POGLUT1: variants seen among roughly 807,000 people sequenced by gnomAD.
POGLUT1 encodes the protein protein O-glucosyltransferase 1, also known as 9630046K23Rik.
In POGLUT1, 32 loss-of-function variants were observed where a neutral mutation model predicts 61.3. The observed-to-expected ratio is 0.52, with a 90% CI of 0.39 to 0.70. POGLUT1 has a LOEUF of 0.70. Ranked by LOEUF, POGLUT1 falls within the 30% of genes least tolerant of loss-of-function variation. The pLI, the probability that POGLUT1 is intolerant of heterozygous loss-of-function variation, is 0.00. For missense variants in POGLUT1, 411 were observed against 469.8 expected, an observed-to-expected ratio of 0.87 and a Z score of 1.16; for synonymous variants, 158 against 158.2, an observed-to-expected ratio of 1.00 and a Z score of 0.01.
chr3:119,477,048 C>G (rs755865444), intron 3 of POGLUT1, among the ~76,000 whole-genome samples: 1 of 152,196 alleles, frequency 6.6e-6, no homozygotes, highest in Non-Finnish European at 1.5e-5. Flanking sequence ...AGCAATAATA[C>G]TCCCTTCAAA....
chr3:119,484,431 G>A (rs1375105250), intron 5 of POGLUT1, among the ~76,000 whole-genome samples: 1 of 152,178 alleles, frequency 6.6e-6, no homozygotes, highest in Non-Finnish European at 1.5e-5. Context: ...TAAGAATGAT[G>A]CATCTGTGAG....
In POGLUT1 at chr3:119,470,895, G is replaced by C. The variant is rs530738492; in HGVS notation, c.177-414G>C. ...TCACGCTACCAGAGTAAGGGCTTGTGGGGGAGAGTGTGGACCAGACAGACC... is the reference window on the plus strand; with the variant it reads ...TCACGCTACCAGAGTAAGGGCTTGTCGGGGAGAGTGTGGACCAGACAGACC... On this transcript the variant is annotated intron_variant, in intron 2 of 10. Coordinates refer to ENST00000295588, the MANE Select transcript of POGLUT1 (RefSeq NM_152305.3). Among the ~76,000 whole-genome samples the C allele has an allele frequency of 5.3e-5, 8 of 152,362 alleles. No homozygotes were observed. In the South Asian group the frequency reaches 1.4e-3, roughly 28 times the overall value.
At chr3:119,475,766 T>TG (rs2081527622) in intron 3 of POGLUT1, among the ~76,000 whole-genome samples, 2 of 150,104 alleles carry the variant, frequency 1.3e-5, no homozygotes, top group African/African-American at 4.9e-5. Context: ...CAGCTGAGAT[T>TG]GCGCCATTGC....
intron 5 of POGLUT1, among the ~76,000 whole-genome samples, chr3:119,481,813 A>G (rs1417328542): frequency 1.3e-5 from 2 of 152,110 alleles, no homozygotes; most frequent in East Asian, 1.9e-4. Flanking sequence ...AACCTACTTT[A>G]CTGGTTAATA....
chr3:119,488,778 TTATA>T, intron 7 of POGLUT1, 147 bp from the exon 8 acceptor site: 1 of 423,120 alleles, frequency 2.4e-6, no homozygotes, highest in South Asian at 6.0e-5. Flanking sequence ...GCTTCTGCAT[TTATA>T]TAATGGGAAT....
chr3:119,485,509 G>T (rs2081654800), intron 6 of POGLUT1, 122 bp downstream of exon 6: 1 of 594,158 alleles, frequency 1.7e-6, no homozygotes, highest in African/African-American at 1.9e-5. Flanking sequence ...AGAAAGAAAT[G>T]TGGAATCACA....
At chr3:119,472,853 A>G (rs942727743) in intron 3 of POGLUT1, among the ~76,000 whole-genome samples, 11 of 152,346 alleles carry the variant, frequency 7.2e-5, no homozygotes, top group African/African-American at 2.6e-4. Flanking sequence ...CCACATGGCA[A>G]AACCTCATCT....
rs2081787844 is a variant in POGLUT1 at position 119,494,180 on chromosome 3, G to T, written c.*1742G>T. The T allele has an allele frequency of 6.6e-6, 1 of 152,164 alleles. No individual in the cohort carries two copies. The highest frequency in any genetic ancestry group is 6.5e-5 in the Admixed American group (1 of 15,278). The allele number at this position is 152,164 out of a possible 1,614,324, so 9.4% of individuals were successfully genotyped here. A position where few individuals can be genotyped will look rare whatever the true frequency, so the allele number is the denominator to read the frequency against. On this transcript the variant is annotated 3_prime_UTR_variant, in exon 11 of 11. Coordinates refer to ENST00000295588, the MANE Select transcript of POGLUT1 (RefSeq NM_152305.3). The stretch of plus-strand genomic sequence containing the variant: ...TTATATGACATCACTGTAGTTGCTT[G>T]ACTGTTTCTCCTACTGTTCTGTAAA...
chr3:119,470,298 G>C (rs965525445), intron 2 of POGLUT1, among the ~76,000 whole-genome samples: 2 of 152,170 alleles, frequency 1.3e-5, no homozygotes, highest in African/African-American at 4.8e-5. Context: ...ACATCAGGCT[G>C]GGCATGGTGG....
chr3:119,478,668 G>A (rs1036678450), intron 4 of POGLUT1, among the ~76,000 whole-genome samples: 3 of 152,104 alleles, frequency 2.0e-5, no homozygotes, highest in Admixed American at 6.6e-5. Context: ...TTGAATAGCT[G>A]TTATGTTTAA....
intron 3 of POGLUT1, among the ~76,000 whole-genome samples, chr3:119,475,575 G>A (rs1445437071): frequency 6.6e-6 from 1 of 152,164 alleles, no homozygotes; most frequent in African/African-American, 2.4e-5. Context: ...CACTTTGGAT[G>A]GCTGAGACAG....
At chr3:119,481,061 C>T (rs2081600950) in intron 5 of POGLUT1, among the ~76,000 whole-genome samples, 1 of 152,056 alleles carries the variant, frequency 6.6e-6, no homozygotes, top group Non-Finnish European at 1.5e-5. Context: ...TTTTTCTATA[C>T]TTAAGATTCT....
intron 9 of POGLUT1, 32 bp downstream of exon 9, chr3:119,490,750 A>G: frequency 1.3e-6 from 2 of 1,590,760 alleles, no homozygotes; most frequent in East Asian, 4.5e-5. Context: ...CAGAGTTTCT[A>G]AAGACCCTTC....
At chr3:119,483,663 G>A (rs2081632182) in intron 5 of POGLUT1, among the ~76,000 whole-genome samples, 1 of 152,220 alleles carries the variant, frequency 6.6e-6, no homozygotes, top group African/African-American at 2.4e-5. Flanking sequence ...GTTACATAGA[G>A]CAAAGTTTCT....
Position 119,485,477 on chromosome 3 carries a change from A to T in POGLUT1, c.638+90A>T, listed in dbSNP as rs537251099. 2.2e-5 allele frequency: 16 copies of T among 742,448 alleles called. No homozygotes were observed. In the South Asian group the frequency reaches 2.8e-4, roughly 13 times the overall value. The allele number at this position is 742,448 out of a possible 1,614,324, so 46.0% of individuals were successfully genotyped here. ...GAGGGTATGACAAGCTCTGTAGTTC[A>T]AAGGGAAAGCTAAGATAACAAAGAA... On this transcript the variant is annotated intron_variant, in intron 6 of 10. Transcript: ENST00000295588.
chr3:119,491,660 A>C (rs748005311), intron 10 of POGLUT1, 86 bp downstream of exon 10: 9 of 659,134 alleles, frequency 1.4e-5, no homozygotes, highest in Non-Finnish European at 2.2e-5. Flanking sequence ...TATTGTTATC[A>C]TGGTGACATC....
rs543307815 is a variant in POGLUT1 at position 119,479,865 on chromosome 3, T to G, written c.457-186T>G. ...TGAATTCTGGAATTCAGTGAGCCCA[T>G]GACTTTTAATCCATAGTCACTTTTG... On this transcript the variant is annotated intron_variant, in intron 4 of 10. Transcript: ENST00000295588. The G allele has an allele frequency of 3.5e-6, 5 of 1,441,916 alleles. No homozygotes were observed. The East Asian group carries it at 1.4e-4, about 41-fold the overall frequency. The allele number at this position is 1,441,916 out of a possible 1,614,324, so 89.3% of individuals were successfully genotyped here. A position where few individuals can be genotyped will look rare whatever the true frequency, so the allele number is the denominator to read the frequency against.
At chr3:119,473,157 C>T (rs1204923702) in intron 3 of POGLUT1, among the ~76,000 whole-genome samples, 3 of 152,142 alleles carry the variant, frequency 2.0e-5, no homozygotes, top group African/African-American at 4.8e-5. Flanking sequence ...AGGAAAAAAT[C>T]GTTAAGGTAT....
At chr3:119,476,957 G>T (rs905356998) in intron 3 of POGLUT1, among the ~76,000 whole-genome samples, 5 of 152,186 alleles carry the variant, frequency 3.3e-5, no homozygotes, top group South Asian at 4.1e-4. Flanking sequence ...TATTACGAGA[G>T]TTTGTATCTT....
Sources: gnomAD v4.1 joint callset for allele counts (sites outside exome capture counted in the v4.1 genomes callset) on GRCh38, gnomAD v4.1.1 for gene constraint, MANE v1.5 for transcripts, NCBI Gene and HGNC (gene_info 2026-07-23, HGNC 2026-07-21) for gene names.